SLC18A1: variants seen among roughly 807,000 people sequenced by gnomAD.
The protein encoded by SLC18A1 is solute carrier family 18 member A1, also known as chromaffin granule amine transporter.
Under a neutral mutation model 53.7 loss-of-function variants are expected in SLC18A1, and 69 were observed. The ratio of observed to expected loss-of-function variants is 1.28; its 90% confidence interval spans 1.06 to 1.57. The LOEUF (loss-of-function observed/expected upper bound fraction) is 1.57. SLC18A1 is among the 40% of genes most tolerant of loss of function. The pLI, the probability that SLC18A1 is intolerant of heterozygous loss-of-function variation, is 0.00. For missense variants in SLC18A1, 932 were observed against 668.1 expected (o/e 1.40, Z -4.35); for synonymous variants, 320 against 248.1 (o/e 1.29, Z -2.72).
chr8:20,157,972 C>A (rs1183874112), intron 10 of SLC18A1, among the ~76,000 whole-genome samples: 1 of 152,190 alleles, frequency 6.6e-6, no homozygotes, highest in Non-Finnish European at 1.5e-5. Context: ...ATAAGCCACC[C>A]CCTCATCTAT....
chr8:20,168,539 T>C (rs2072030883), intron 8 of SLC18A1, among the ~76,000 whole-genome samples: 1 of 152,058 alleles, frequency 6.6e-6, no homozygotes, highest in South Asian at 2.1e-4. Flanking sequence ...AATATATACA[T>C]ATAAAGAGAG....
At chr8:20,181,572 C>T (rs555012851) in intron 1 of SLC18A1, among the ~76,000 whole-genome samples, 1 of 152,180 alleles carries the variant, frequency 6.6e-6, no homozygotes, top group South Asian at 2.1e-4. Context: ...CATAGCAAGA[C>T]CCCTAACTCT....
At chr8:20,161,910 C>T (rs746973522) in intron 10 of SLC18A1, among the ~76,000 whole-genome samples, 4 of 152,176 alleles carry the variant, frequency 2.6e-5, no homozygotes, top group Non-Finnish European at 5.9e-5. Flanking sequence ...GGCCACCATG[C>T]TGGTGCCCCT....
chr8:20,145,821 G>C lies in SLC18A1; in HGVS notation c.1520C>G (p.Pro507Arg). ...CTCCCCCAGAGGAAATTCCTTCGTG[G>C]GCTTCTGGGTTGCATACATCCGGGT... ...METRMYATQK[P>R]TKEFPLGEDS... The change falls in exon 16 of 16, where the codon CCC (proline) becomes CGC (arginine). Residue 507 changes from proline (P) to arginine (R), a missense_variant. Coordinates refer to ENST00000276373, the MANE Select transcript of SLC18A1 (RefSeq NM_003053.4). The C allele has an allele frequency of 6.2e-7, 1 of 1,612,216 alleles. No individual in the cohort carries two copies. The highest frequency in any genetic ancestry group is 1.3e-5 in the African/African-American group (1 of 75,010).
At chr8:20,173,002 TC>T in intron 6 of SLC18A1, 33 bp downstream of exon 6, 2 of 906,914 alleles carry the variant, frequency 2.2e-6, no homozygotes, top group Non-Finnish European at 1.7e-6. Context: ...AGTCCCACCC[TC>T]CCGAACCCAG....
At chr8:20,169,893 T>A (rs1226207574) in intron 8 of SLC18A1, among the ~76,000 whole-genome samples, 1 of 152,034 alleles carries the variant, frequency 6.6e-6, no homozygotes, top group Non-Finnish European at 1.5e-5. Flanking sequence ...AAGTAGATAT[T>A]TATGGGTGCC....
At chr8:20,177,498 G>A (rs534760118) in intron 4 of SLC18A1, among the ~76,000 whole-genome samples, 1 of 152,304 alleles carries the variant, frequency 6.6e-6, no homozygotes, top group Non-Finnish European at 1.5e-5. Flanking sequence ...ATGGAGTCGG[G>A]GGAGAGGGGA....
intron 8 of SLC18A1, among the ~76,000 whole-genome samples, chr8:20,168,454 GTTT>G (rs746794020): frequency 6.6e-6 from 1 of 151,970 alleles, no homozygotes; most frequent in Non-Finnish European, 1.5e-5. Context: ...ATAAATAAAT[GTTT>G]TTTAAGTTTT....
intron 8 of SLC18A1, among the ~76,000 whole-genome samples, chr8:20,170,382 C>T (rs1047671407): frequency 1.3e-5 from 2 of 152,152 alleles, no homozygotes; most frequent in African/African-American, 2.4e-5. Context: ...AGCTGAGCTC[C>T]TGGTGCGTGA....
chr8:20,159,453 C>A (rs2071762159), intron 10 of SLC18A1, among the ~76,000 whole-genome samples: 1 of 151,728 alleles, frequency 6.6e-6, no homozygotes, highest in African/African-American at 2.4e-5. Flanking sequence ...ACTAAAATAC[C>A]AATTAGGCTA....
chr8:20,149,647 T>C, intron 12 of SLC18A1, 29 bp downstream of exon 12: 1 of 1,555,652 alleles, frequency 6.4e-7, no homozygotes, highest in Non-Finnish European at 8.9e-7. Flanking sequence ...TCTCTCTCCT[T>C]CCCCTCCCCC....
intron 11 of SLC18A1, among the ~76,000 whole-genome samples, chr8:20,150,145 C>G (rs1263754501): frequency 6.6e-6 from 1 of 152,178 alleles, no homozygotes; most frequent in Non-Finnish European, 1.5e-5. Flanking sequence ...CTTTCCTTCT[C>G]TGATGTCCTA....
In SLC18A1 at chr8:20,164,950, C is replaced by A; in HGVS notation, c.934G>T (p.Ala312Ser). 1 of 1,613,876 alleles carries A rather than the reference C, an allele frequency of 6.2e-7. No homozygotes were observed. ...ILVAAGSICFANMGVAILEPT... is the reference protein window; with the variant it reads ...ILVAAGSICFSNMGVAILEPT... ...TCCAGGATGGCCACCCCCATGTTGGCAAAGCAGATGGACCCTGGGGAGACT... is the reference window on the plus strand; with the variant it reads ...TCCAGGATGGCCACCCCCATGTTGGAAAAGCAGATGGACCCTGGGGAGACT... Residue 312 changes from alanine (A) to serine (S), a missense_variant, in exon 10 of 16, where the codon GCC becomes TCC. Ala to Ser is a moderately conservative substitution (Grantham distance 99). Coordinates refer to ENST00000276373, the MANE Select transcript of SLC18A1 (RefSeq NM_003053.4).
At position 20,179,465 on chromosome 8, in the gene SLC18A1, G is replaced by T; in HGVS notation, c.144C>A (p.Phe48Leu). ...CTTCTTTGAACTCCATGTCATATAG[G>T]AAGGTGGGCACAATTGGCACTGAAA... is the stretch of plus-strand genomic sequence containing the variant. ...FTVVVPIVPTFLYDMEFKEVN... is the reference protein window; with the variant it reads ...FTVVVPIVPTLLYDMEFKEVN... Residue 48 changes from phenylalanine (F) to leucine (L), a missense_variant, in exon 3 of 16, where the codon TTC (phenylalanine) becomes TTA (leucine). Coordinates refer to ENST00000276373, the MANE Select transcript of SLC18A1 (RefSeq NM_003053.4). The T allele has an allele frequency of 6.2e-7, 1 of 1,611,810 alleles. No individual in the cohort carries two copies. The highest frequency in any genetic ancestry group is 1.7e-5 in the Admixed American group (1 of 59,990).
At chr8:20,148,434 C>A in intron 12 of SLC18A1, 2 of 1,290,398 alleles carry the variant, frequency 1.5e-6, no homozygotes, top group Non-Finnish European at 2.0e-6. Flanking sequence ...CACTCCTGGT[C>A]TCATTCTTCA....
At chr8:20,167,822 T>C (rs1447198204) in intron 8 of SLC18A1, among the ~76,000 whole-genome samples, 1 of 151,628 alleles carries the variant, frequency 6.6e-6, no homozygotes, top group African/African-American at 2.4e-5. Flanking sequence ...GGGATTTCAC[T>C]GTGTTAGCCA....
intron 15 of SLC18A1, 115 bp from the exon 16 acceptor site, chr8:20,145,991 C>A: frequency 2.1e-6 from 1 of 473,712 alleles, no homozygotes; most frequent in Non-Finnish European, 3.7e-6. Flanking sequence ...TCTCGGCTCA[C>A]TGCAAGCTCC....
chr8:20,158,698 G>A (rs2071742046), intron 10 of SLC18A1, among the ~76,000 whole-genome samples: 1 of 152,102 alleles, frequency 6.6e-6, no homozygotes. Context: ...GGACAGTGGA[G>A]GTTAGTGCAA....
chr8:20,164,872 G>C lies in SLC18A1; in HGVS notation c.1012C>G (p.Leu338Val), dbSNP rs769109299. Residue 338 changes from leucine to valine, a missense_variant, in exon 10 of 16, where the codon CTG becomes GTG. Physicochemically the swap from Leu to Val is conservative, Grantham distance 32 (BLOSUM62 1). Coordinates refer to ENST00000276373, the MANE Select transcript of SLC18A1 (RefSeq NM_003053.4). ...MQTMCSPKWQ[L>V]GLAFLPASVS... ...CGGGGGTGCTGAGGTCACTTACCCA[G>C]CTGCCACTTGGGGGAGCACATGGTC... 156 of 1,607,204 alleles carry C rather than the reference G, an allele frequency of 9.7e-5. No individual in the cohort carries two copies. The highest frequency in any genetic ancestry group is 1.7e-4 in the Middle Eastern group (1 of 6,042).
Sources: allele counts gnomAD v4.1 joint callset (sites outside exome capture counted in the v4.1 genomes callset), GRCh38; gene constraint gnomAD v4.1.1; transcripts MANE v1.5; gene names NCBI Gene and HGNC (gene_info 2026-07-23, HGNC 2026-07-21).